JAK1: variants seen among roughly 807,000 people sequenced by gnomAD.
JAK1 encodes tyrosine-protein kinase JAK1.
A neutral mutation model predicts 136.6 loss-of-function variants in JAK1; 16 were observed. The observed-to-expected ratio is 0.12, with a 90% CI of 0.08 to 0.18. The LOEUF is 0.18. Among genes scored for constraint, JAK1 ranks in the 10% least tolerant of loss-of-function variants. The pLI is 1.00. For synonymous variants in JAK1, 492 were observed against 519.5 expected (o/e 0.95, Z 0.72); for missense variants, 859 against 1,450.1 (o/e 0.59, Z 6.62).
intron 2 of JAK1, among the ~76,000 whole-genome samples, chr1:65,032,060 G>C (rs1647028934): frequency 6.6e-6 from 1 of 151,538 alleles, no homozygotes; most frequent in Admixed American, 6.6e-5. Context: ...CTGCCTCCTG[G>C]GTTCAAGCAA....
chr1:64,883,878 C>T (rs867277114), intron 2 of JAK1, among the ~76,000 whole-genome samples: 18 of 152,180 alleles, frequency 1.2e-4, no homozygotes, highest in African/African-American at 3.9e-4. Flanking sequence ...GCTGCTGTTT[C>T]TACTGGAATC....
At chr1:65,040,464 T>C (rs1647120451) in intron 2 of JAK1, among the ~76,000 whole-genome samples, 1 of 152,176 alleles carries the variant, frequency 6.6e-6, no homozygotes, top group Admixed American at 6.5e-5. Context: ...ACCTGGGTAA[T>C]CCATAGTAAT....
intron 1 of JAK1, among the ~76,000 whole-genome samples, chr1:64,896,639 A>G (rs1364223523): frequency 6.6e-6 from 1 of 152,006 alleles, no homozygotes; most frequent in African/African-American, 2.4e-5. Flanking sequence ...GTAAGAAGAA[A>G]AGAAAACAAC....
At chr1:64,949,447 T>A (rs575058981) in intron 1 of JAK1, among the ~76,000 whole-genome samples, 2 of 152,348 alleles carry the variant, frequency 1.3e-5, no homozygotes, top group South Asian at 4.1e-4. Flanking sequence ...TCCTTTATTA[T>A]AACCCAGTTG....
At chr1:64,877,093 T>C (rs1433507634) in intron 4 of JAK1, among the ~76,000 whole-genome samples, 1 of 152,156 alleles carries the variant, frequency 6.6e-6, no homozygotes, top group African/African-American at 2.4e-5. Context: ...AAAGAGGTTG[T>C]GACAAAGAGG....
intron 1 of JAK1, among the ~76,000 whole-genome samples, chr1:65,066,032 AAGC>A (rs1304239795): frequency 2.0e-5 from 3 of 152,112 alleles, no homozygotes; most frequent in Non-Finnish European, 4.4e-5. Flanking sequence ...CAGCAGGTGA[AAGC>A]AGCAATTTTT....
intron 7 of JAK1, among the ~76,000 whole-genome samples, chr1:64,865,906 CG>C (rs1260208995): frequency 1.3e-5 from 2 of 152,022 alleles, no homozygotes; most frequent in African/African-American, 4.8e-5. Context: ...ACCACAGGCA[CG>C]TGCCACCACA....
intron 1 of JAK1, among the ~76,000 whole-genome samples, chr1:64,896,251 T>C (rs1405585710): frequency 6.6e-6 from 1 of 152,252 alleles, no homozygotes; most frequent in African/African-American, 2.4e-5. Context: ...CTTTTACGAA[T>C]AGCCCTTGTC....
intron 2 of JAK1, among the ~76,000 whole-genome samples, chr1:65,039,900 C>T (rs1163591923): frequency 6.6e-6 from 1 of 152,076 alleles, no homozygotes; most frequent in Non-Finnish European, 1.5e-5. Context: ...AAAAACAACA[C>T]AAGTTGTTTT....
chr1:64,902,583 A>AGAGTGTGT, intron 1 of JAK1, among the ~76,000 whole-genome samples: 770 of 73,790 alleles, frequency 0.01, 8 homozygotes, highest in Non-Finnish European at 0.013. Context: ...AGAGAGAGAG[A>AGAGTGTGT]GTGTGTGTGT....
chr1:64,985,453 T>C, intron 2 of JAK1: 1 of 1,606,760 alleles, frequency 6.2e-7, no homozygotes, highest in Non-Finnish European at 8.5e-7. Flanking sequence ...TCTTTTCTGT[T>C]AATGAGCAAG....
At chr1:64,871,888 C>A (rs1210511769) in intron 5 of JAK1, among the ~76,000 whole-genome samples, 2 of 152,198 alleles carry the variant, frequency 1.3e-5, no homozygotes, top group East Asian at 3.8e-4. Context: ...CAAGAATCAT[C>A]GACTTGAAAC....
intron 7 of JAK1, 80 bp from the exon 8 acceptor site, chr1:64,865,052 C>T: frequency 1.7e-6 from 2 of 1,144,016 alleles, no homozygotes. Flanking sequence ...TGCTGGGAAA[C>T]CTATGCAGGG....
intron 2 of JAK1, among the ~76,000 whole-genome samples, chr1:65,007,728 G>T (rs1304148344): frequency 6.6e-6 from 1 of 150,724 alleles, no homozygotes; most frequent in East Asian, 1.9e-4. Context: ...CTCCTAAAGT[G>T]CTGGGATTAT....
chr1:64,893,736 A>G (rs1019079189), intron 1 of JAK1, among the ~76,000 whole-genome samples: 1 of 152,218 alleles, frequency 6.6e-6, no homozygotes, highest in African/African-American at 2.4e-5. Context: ...CTAACTTATA[A>G]AAGTTTGAAA....
intron 2 of JAK1, among the ~76,000 whole-genome samples, chr1:65,014,667 A>G (rs1646877467): frequency 6.6e-6 from 1 of 151,920 alleles, no homozygotes; most frequent in Non-Finnish European, 1.5e-5. Context: ...AGAAAATAAT[A>G]AATAATCTAT....
chr1:64,985,869 A>C (rs1646593770), intron 2 of JAK1: 2 of 624,458 alleles, frequency 3.2e-6, no homozygotes, highest in African/African-American at 3.7e-5. Context: ...AAAGGAGCTA[A>C]TCATACAACC....
intron 19 of JAK1, among the ~76,000 whole-genome samples, chr1:64,840,503 C>G (rs993933581): frequency 2.6e-5 from 4 of 152,196 alleles, no homozygotes; most frequent in Non-Finnish European, 5.9e-5. Flanking sequence ...CGCTGACACT[C>G]TATTTTGGGA....
At chr1:64,888,510 T>C (rs1209081220) in intron 1 of JAK1, among the ~76,000 whole-genome samples, 1 of 152,186 alleles carries the variant, frequency 6.6e-6, no homozygotes, top group African/African-American at 2.4e-5. Context: ...ATATGCACTA[T>C]CAGACCATGT....
Sources: gnomAD v4.1 joint callset for allele counts (sites outside exome capture counted in the v4.1 genomes callset) on GRCh38, gnomAD v4.1.1 for gene constraint, MANE v1.5 for transcripts, NCBI Gene and HGNC (gene_info 2026-07-23, HGNC 2026-07-21) for gene names.